The following KALRN variants were observed in gnomAD, a reference collection of about 807,000 sequenced individuals.
The protein encoded by KALRN is kalirin RhoGEF kinase.
Under a neutral mutation model 353.7 loss-of-function variants are expected in KALRN, and 70 were observed. The observed-to-expected ratio is 0.20, with a 90% CI of 0.16 to 0.24. KALRN has a LOEUF of 0.24. KALRN is among the 10% of genes least tolerant of loss of function. The pLI is 1.00. For missense variants in KALRN, 2,791 were observed against 3,756.7 expected (o/e 0.74, Z 6.72); for synonymous variants, 1,391 against 1,434.8 (o/e 0.97, Z 0.69).
chr3:124,692,313 A>T (rs972198432), intron 51 of KALRN, among the ~76,000 whole-genome samples: 1 of 152,256 alleles, frequency 6.6e-6, no homozygotes, highest in Admixed American at 6.5e-5. Context: ...TGGCTTCACA[A>T]GGGTTTTCTG....
intron 1 of KALRN, among the ~76,000 whole-genome samples, chr3:124,142,179 G>A (rs143723894): frequency 2.0e-5 from 3 of 152,288 alleles, no homozygotes; most frequent in African/African-American, 7.2e-5. Context: ...AGAGACATAG[G>A]GCTAAGCTTT....
chr3:124,149,174 A>C (rs893686642), intron 1 of KALRN, among the ~76,000 whole-genome samples: 1 of 152,234 alleles, frequency 6.6e-6, no homozygotes, highest in Non-Finnish European at 1.5e-5. Flanking sequence ...GCGGCATGCA[A>C]CCCTAGCAGA....
chr3:124,619,548 C>T (rs111683416), intron 34 of KALRN, among the ~76,000 whole-genome samples: 2,020 of 132,684 alleles, frequency 0.015, 52 homozygotes, highest in African/African-American at 0.054. Flanking sequence ...AGTGCAATGG[C>T]GTGATCTTGG....
chr3:124,209,997 C>T (rs890216107), intron 1 of KALRN, among the ~76,000 whole-genome samples: 3 of 152,168 alleles, frequency 2.0e-5, no homozygotes, highest in Non-Finnish European at 4.4e-5. Flanking sequence ...AGTGTTTCTT[C>T]AGAGAGTAAA....
At chr3:124,717,497 T>C (rs891428827) in intron 59 of KALRN, 112 bp downstream of exon 59, 21 of 622,112 alleles carry the variant, frequency 3.4e-5, no homozygotes, top group South Asian at 9.5e-5. Flanking sequence ...CCATCCTGGC[T>C]GACACGGTGA....
intron 10 of KALRN, among the ~76,000 whole-genome samples, chr3:124,380,788 G>T (rs1029068447): frequency 3.3e-5 from 5 of 152,194 alleles, no homozygotes; most frequent in Non-Finnish European, 7.3e-5. Context: ...GATATTTTCT[G>T]TACACATTTC....
intron 54 of KALRN, among the ~76,000 whole-genome samples, chr3:124,697,128 G>A (rs1229286155): frequency 1.3e-5 from 2 of 152,228 alleles, no homozygotes; most frequent in East Asian, 3.9e-4. Context: ...GAACTCCTGG[G>A]CTCAAGTGAT....
chr3:124,473,590 A>G (rs2061153781), intron 25 of KALRN, among the ~76,000 whole-genome samples: 1 of 152,208 alleles, frequency 6.6e-6, no homozygotes. Flanking sequence ...GAAAACATAG[A>G]GAGCTGTGTC....
At chr3:124,644,120 C>T (rs962529548) in intron 37 of KALRN, among the ~76,000 whole-genome samples, 6 of 152,074 alleles carry the variant, frequency 3.9e-5, no homozygotes, top group South Asian at 2.1e-4. Context: ...CTACATGTCC[C>T]GGTTTCCTAG....
intron 6 of KALRN, among the ~76,000 whole-genome samples, chr3:124,302,882 G>A (rs2077377480): frequency 2.0e-5 from 3 of 152,056 alleles, no homozygotes; most frequent in Admixed American, 6.6e-5. Context: ...CTCTTTTTAT[G>A]TAAAGATACC....
intron 33 of KALRN, among the ~76,000 whole-genome samples, chr3:124,497,399 G>T (rs557643501): frequency 3.9e-4 from 59 of 152,224 alleles, no homozygotes; most frequent in Admixed American, 7.8e-4. Flanking sequence ...TAAGTTATAG[G>T]TATTTCTTTT....
At chr3:124,644,471 C>T (rs1270875450) in intron 37 of KALRN, among the ~76,000 whole-genome samples, 1 of 152,032 alleles carries the variant, frequency 6.6e-6, no homozygotes, top group Non-Finnish European at 1.5e-5. Context: ...TGCTATCCTT[C>T]CCCTAGCCCC....
chr3:124,057,480 A>G (rs2041651684), intron 1 of KALRN, among the ~76,000 whole-genome samples: 1 of 152,230 alleles, frequency 6.6e-6, no homozygotes, highest in Admixed American at 6.5e-5. Flanking sequence ...AAGGCAGTAT[A>G]CGATGCATTC....
intron 2 of KALRN, among the ~76,000 whole-genome samples, chr3:124,231,650 AAT>A (rs2148537705): frequency 6.6e-6 from 1 of 152,284 alleles, no homozygotes; most frequent in Non-Finnish European, 1.5e-5. Flanking sequence ...GGAGAATTAC[AAT>A]ATCCATTAAA....
chr3:124,425,733 TA>T (rs796925453), intron 15 of KALRN, among the ~76,000 whole-genome samples: 39 of 152,368 alleles, frequency 2.6e-4, no homozygotes, highest in African/African-American at 8.9e-4. Context: ...TTCAACTCCC[TA>T]ATTCTCTTTT....
intron 19 of KALRN, among the ~76,000 whole-genome samples, chr3:124,443,173 G>A (rs1264149245): frequency 6.6e-6 from 1 of 152,148 alleles, no homozygotes; most frequent in Non-Finnish European, 1.5e-5. Flanking sequence ...TTTAAAAATT[G>A]CCTATTATCT....
intron 1 of KALRN, among the ~76,000 whole-genome samples, chr3:124,075,634 G>T (rs1263085737): frequency 2.0e-5 from 3 of 152,106 alleles, no homozygotes; most frequent in Admixed American, 6.5e-5. Flanking sequence ...TTGAGGGTCT[G>T]CTATTTTAGG....
At chr3:124,690,771 G>C (rs2061771173) in intron 51 of KALRN, among the ~76,000 whole-genome samples, 1 of 152,196 alleles carries the variant, frequency 6.6e-6, no homozygotes, top group Non-Finnish European at 1.5e-5. Flanking sequence ...GAGTTTGTGA[G>C]TAGCTTATGC....
In KALRN at chr3:124,471,053, G is replaced by A. The variant is rs187266099; in HGVS notation, c.4032-3610G>A. 8.5e-4 allele frequency among the ~76,000 whole-genome samples: 130 copies of A among 152,132 alleles called. 1 individual carries two copies. The East Asian group carries it at 0.014, about 17-fold the overall frequency. On this transcript the variant is annotated intron_variant, in intron 25 of 59. Coordinates refer to ENST00000682506, the MANE Select transcript of KALRN (RefSeq NM_001388419.1). Reference sequence around the variant, plus strand: ...AGATTTTTCAGCAAGGGCTTGGTAGGGAGTTCCCCCTAAATATAAGTCTCC... The same window carrying A: ...AGATTTTTCAGCAAGGGCTTGGTAGAGAGTTCCCCCTAAATATAAGTCTCC...
Sources: gnomAD v4.1 joint callset for allele counts (sites outside exome capture counted in the v4.1 genomes callset) on GRCh38, gnomAD v4.1.1 for gene constraint, MANE v1.5 for transcripts, NCBI Gene and HGNC (gene_info 2026-07-23, HGNC 2026-07-21) for gene names.